The following USP15 variants were observed in gnomAD, a reference collection of about 807,000 sequenced individuals.
USP15 encodes ubiquitin carboxyl-terminal hydrolase 15.
Under a neutral mutation model 127.1 loss-of-function variants are expected in USP15, and 18 were observed. That is an observed-to-expected ratio of 0.14 (90% CI 0.10 to 0.21). USP15 has a LOEUF of 0.21. Among genes scored for constraint, USP15 ranks in the 10% least tolerant of loss-of-function variants. The probability of loss-of-function intolerance (pLI) is 1.00; values close to 1 mark genes in which losing one functional copy is unlikely to be tolerated. For missense variants in USP15, 805 were observed against 1,159.9 expected (o/e 0.69, Z 4.44); for synonymous variants, 364 against 393.7 (o/e 0.92, Z 0.89).
chr12:62,362,142 A>T (rs2066336914), intron 8 of USP15, among the ~76,000 whole-genome samples: 1 of 152,122 alleles, frequency 6.6e-6, no homozygotes, highest in South Asian at 2.1e-4. Context: ...TCACTAAGAC[A>T]AGTTATTATG....
intron 9 of USP15, among the ~76,000 whole-genome samples, chr12:62,382,006 TG>T (rs1375085370): frequency 1.3e-5 from 2 of 152,030 alleles, no homozygotes; most frequent in Non-Finnish European, 2.9e-5. Context: ...AGTACATCTC[TG>T]GAAAACCTAT....
intron 8 of USP15, among the ~76,000 whole-genome samples, chr12:62,373,335 T>C (rs2066732391): frequency 6.6e-6 from 1 of 152,038 alleles, no homozygotes; most frequent in Non-Finnish European, 1.5e-5. Flanking sequence ...GCCAACAAAA[T>C]GTTTCCCATC....
intron 2 of USP15, 128 bp from the exon 3 acceptor site, chr12:62,302,662 G>A (rs746691450): frequency 1.1e-5 from 11 of 959,190 alleles, no homozygotes; most frequent in Non-Finnish European, 1.5e-5. Context: ...CCTGATGTAA[G>A]GGAGCTGAAT....
At chr12:62,391,525 T>C in intron 16 of USP15, 96 bp downstream of exon 16, 1 of 1,446,804 alleles carries the variant, frequency 6.9e-7, no homozygotes, top group Non-Finnish European at 9.3e-7. Flanking sequence ...TGTCAAGAAA[T>C]ATACCATTTA....
chr12:62,263,078 T>TG (rs1409689667), intron 1 of USP15, among the ~76,000 whole-genome samples: 1 of 152,238 alleles, frequency 6.6e-6, no homozygotes, highest in Non-Finnish European at 1.5e-5. Context: ...GAGAATAATT[T>TG]GATAAGTATA....
intron 1 of USP15, among the ~76,000 whole-genome samples, chr12:62,264,828 T>A (rs940567922): frequency 6.6e-6 from 1 of 152,200 alleles, no homozygotes; most frequent in Admixed American, 6.5e-5. Context: ...TAAAGAAATT[T>A]TTATATTACT....
At chr12:62,333,851 GACA>G (rs1565863706) in intron 6 of USP15, among the ~76,000 whole-genome samples, 2 of 152,104 alleles carry the variant, frequency 1.3e-5, no homozygotes, top group African/African-American at 4.8e-5. Context: ...AAAATGTAGA[GACA>G]ACATACCAAA....
intron 3 of USP15, chr12:62,304,612 G>A (rs1190029964): frequency 4.9e-6 from 2 of 405,854 alleles, no homozygotes; most frequent in African/African-American, 4.2e-5. Context: ...TAGCTATAAT[G>A]CAGAAACCAA....
chr12:62,335,416 T>C (rs1284777025), intron 6 of USP15: 10 of 1,383,798 alleles, frequency 7.2e-6, no homozygotes, highest in Non-Finnish European at 9.3e-6. Context: ...TGTTGTACTT[T>C]ACCTGTCGAC....
At position 62,399,943 on chromosome 12, in the gene USP15, A is replaced by C. The variant is rs2067625546; in HGVS notation, c.2675-1244A>C. On this transcript the variant is annotated intron_variant, in intron 20 of 21. Coordinates refer to ENST00000280377, the MANE Select transcript of USP15 (RefSeq NM_001252078.2). ...CATTCCCTCTGAACATCATCCAAAC[A>C]GGTAACTTAATAGAAAGAGAATATT... Among the ~76,000 whole-genome samples the C allele has an allele frequency of 2.6e-5, 4 of 152,312 alleles. No individual in the cohort carries two copies. In the South Asian group the frequency reaches 8.3e-4, roughly 32 times the overall value.
chr12:62,366,716 T>G (rs1266691021), intron 8 of USP15, among the ~76,000 whole-genome samples: 2 of 152,364 alleles, frequency 1.3e-5, no homozygotes, highest in African/African-American at 2.4e-5. Flanking sequence ...TATTTTGAGA[T>G]GCATTCCATC....
In USP15 at chr12:62,411,503, A is replaced by G. The variant is rs1248364891; in HGVS notation, c.*7128A>G. 1.3e-5 allele frequency: 2 copies of G among 152,222 alleles called. No homozygotes were observed. Among genetic ancestry groups the G allele is most frequent in the Non-Finnish European group, 2.9e-5 (2 of 68,036 alleles). The allele number at this position is 152,222 out of a possible 1,614,324, so 9.4% of individuals were successfully genotyped here. ...CTATTTGTGAGCATAACTTCGTAAC[A>G]CATTTAGAACCTTTGCCTTCAGCTG... On this transcript the variant is annotated 3_prime_UTR_variant, in exon 22 of 22. Transcript: ENST00000280377.
chr12:62,399,824 G>A (rs1230740840), intron 20 of USP15, among the ~76,000 whole-genome samples: 1 of 152,146 alleles, frequency 6.6e-6, no homozygotes, highest in African/African-American at 2.4e-5. Flanking sequence ...TGGTTGGTTG[G>A]CTGGTCGGTT....
intron 1 of USP15, among the ~76,000 whole-genome samples, chr12:62,275,402 CAA>C (rs879612016): frequency 5.2e-5 from 7 of 133,816 alleles, no homozygotes; most frequent in African/African-American, 2.7e-5. Context: ...CCCCCCCACC[CAA>C]AAAAAAAAAA....
At chr12:62,276,491 A>G (rs540196252) in intron 1 of USP15, among the ~76,000 whole-genome samples, 4 of 152,170 alleles carry the variant, frequency 2.6e-5, no homozygotes, top group African/African-American at 9.6e-5. Context: ...TTTTGCTTAT[A>G]TTATCTTCCA....
intron 6 of USP15, chr12:62,335,971 T>G (rs1292744524): frequency 1.0e-6 from 1 of 985,316 alleles, no homozygotes; most frequent in East Asian, 1.1e-4. Flanking sequence ...GTTGCCACAT[T>G]TAGTTTTGCA....
rs112737171 is a variant in USP15, at chr12:62,272,766, A to G, written c.89+12263A>G. ...TTGAAAATTATTCTATCCACACCAT[A>G]ATACAAATTATTTATCATAATGCCT... On this transcript the variant is annotated intron_variant, in intron 1 of 21. Coordinates refer to ENST00000280377, the MANE Select transcript of USP15 (RefSeq NM_001252078.2). Among the ~76,000 whole-genome samples the G allele has an allele frequency of 3.1e-3, 470 of 152,110 alleles. 1 individual carries two copies. The highest frequency in any genetic ancestry group is 9.8e-3 in the African/African-American group (408 of 41,520).
chr12:62,328,221 T>C (rs1280688657), intron 6 of USP15: 1 of 423,730 alleles, frequency 2.4e-6, no homozygotes, highest in Non-Finnish European at 4.7e-6. Flanking sequence ...TTGTCTAATA[T>C]AAGATTAATT....
chr12:62,383,924 T>C lies in USP15; in HGVS notation c.1174T>C (p.Leu392=), dbSNP rs1274065143. Residue 392 remains leucine, a synonymous_variant, in exon 10 of 22, where the codon TTA becomes CTA. Transcript: ENST00000280377. Reference sequence around the variant, plus strand: ...ACTGTTAGCTTTCCTATTAGATGGATTACATGAGGATTTGAATAGAATTAG... The same window carrying C: ...ACTGTTAGCTTTCCTATTAGATGGACTACATGAGGATTTGAATAGAATTAG... ...QELLAFLLDG[L]HEDLNRIRKK... 6.2e-6 allele frequency: 10 copies of C among 1,612,848 alleles called. No homozygotes were observed. The highest frequency in any genetic ancestry group is 2.7e-5 in the African/African-American group (2 of 74,864).
Sources: gnomAD v4.1 joint callset for allele counts (sites outside exome capture counted in the v4.1 genomes callset) on GRCh38, gnomAD v4.1.1 for gene constraint, MANE v1.5 for transcripts, NCBI Gene and HGNC (gene_info 2026-07-23, HGNC 2026-07-21) for gene names.